MAMDC2: variants seen among roughly 807,000 people sequenced by gnomAD.
MAMDC2 encodes the protein MAM domain containing 2.
MAMDC2 carries 57 observed loss-of-function variants against 89.8 expected under a neutral mutation model. The ratio of observed to expected loss-of-function variants is 0.63; its 90% confidence interval spans 0.51 to 0.79. The LOEUF is 0.79. Ranked by LOEUF, MAMDC2 falls within the 30% of genes least tolerant of loss-of-function variation. MAMDC2 has a pLI of 0.00. For synonymous variants in MAMDC2, 313 were observed against 293.4 expected, an observed-to-expected ratio of 1.07 and a Z score of -0.68; for missense variants, 800 against 820.6, an observed-to-expected ratio of 0.97 and a Z score of 0.31.
At chr9:70,087,167 A>G (rs1322786276) in intron 2 of MAMDC2, 2 of 152,156 alleles carry the variant, frequency 1.3e-5, no homozygotes, top group East Asian at 3.9e-4. Flanking sequence ...TGTTCCCTTG[A>G]GGTTGAAACC....
intron 2 of MAMDC2, among the ~76,000 whole-genome samples, chr9:70,100,118 T>C (rs1052908797): frequency 6.6e-6 from 1 of 151,724 alleles, no homozygotes; most frequent in African/African-American, 2.4e-5. Context: ...CAGAAGAGGA[T>C]GCTGATCATC....
chr9:70,195,150 C>G (rs1359195877), intron 11 of MAMDC2, among the ~76,000 whole-genome samples: 1 of 151,708 alleles, frequency 6.6e-6, no homozygotes, highest in African/African-American at 2.4e-5. Context: ...TATGGACAGG[C>G]AAAAAAATAT....
chr9:70,225,905 A>C, intron 13 of MAMDC2, 63 bp from the exon 14 acceptor site: 1 of 1,462,724 alleles, frequency 6.8e-7, no homozygotes, highest in East Asian at 2.3e-5. Context: ...AACTACAAGA[A>C]TACAAATTAA....
At chr9:70,199,999 G>T (rs552521063) in intron 11 of MAMDC2, among the ~76,000 whole-genome samples, 1 of 152,192 alleles carries the variant, frequency 6.6e-6, no homozygotes, top group South Asian at 2.1e-4. Flanking sequence ...CATTTTGTAG[G>T]TTGCCTATTC....
intron 9 of MAMDC2, chr9:70,157,682 A>G (rs1416642725): frequency 6.6e-6 from 1 of 152,574 alleles, no homozygotes; most frequent in East Asian, 1.9e-4. Flanking sequence ...TTTCATCTCA[A>G]TCTTCAAACC....
chr9:70,044,121 CCT>C lies in MAMDC2; in HGVS notation c.-76_-75del. 1 of 1,567,984 alleles carries C rather than the reference CCT, an allele frequency of 6.4e-7. No homozygotes were observed. Among genetic ancestry groups the C allele is most frequent in the Non-Finnish European group, 8.8e-7 (1 of 1,141,272 alleles). ...CCCGGCGCCCCCGCCTCCCACGATC[CCT>C]TTCACTAGGAGCAGCCAGTCCCAGC... is the stretch of plus-strand genomic sequence containing the variant. On this transcript the variant is annotated 5_prime_UTR_variant, in exon 1 of 14. Transcript: ENST00000377182.
chr9:70,112,335 C>T (rs1828532448), intron 4 of MAMDC2, among the ~76,000 whole-genome samples: 1 of 152,160 alleles, frequency 6.6e-6, no homozygotes, highest in Non-Finnish European at 1.5e-5. Flanking sequence ...TGATTATCTT[C>T]TCTCTCTTCT....
chr9:70,050,649 T>C (rs746045696), intron 2 of MAMDC2, among the ~76,000 whole-genome samples: 4 of 152,238 alleles, frequency 2.6e-5, no homozygotes, highest in Non-Finnish European at 5.9e-5. Flanking sequence ...ACTTGATGTG[T>C]CTTTTATCAA....
Position 70,044,092 on chromosome 9 carries a change from G to A in MAMDC2, c.-106G>A. The A allele has an allele frequency of 7.3e-7, 1 of 1,374,784 alleles. No homozygotes were observed. Among genetic ancestry groups the A allele is most frequent in the Non-Finnish European group, 1.0e-6 (1 of 976,386 alleles). 85.2% of individuals were successfully genotyped at this position (1,374,784 alleles called of 1,614,324 possible). A position where few individuals can be genotyped will look rare whatever the true frequency, so the allele number is the denominator to read the frequency against. On this transcript the variant is annotated 5_prime_UTR_variant, in exon 1 of 14. Coordinates refer to ENST00000377182, the MANE Select transcript of MAMDC2 (RefSeq NM_153267.5). The stretch of plus-strand genomic sequence containing the variant: ...TTGCCTCTCGACTTCTCCCTCCTTG[G>A]GTCCCCGGCGCCCCCGCCTCCCACG...
intron 5 of MAMDC2, among the ~76,000 whole-genome samples, chr9:70,119,811 G>A (rs1278651281): frequency 6.6e-6 from 1 of 152,180 alleles, no homozygotes; most frequent in Admixed American, 6.5e-5. Flanking sequence ...TGGGCAGGGT[G>A]GGGATGGAAC....
rs532968320 is a variant in MAMDC2 at position 70,078,944 on chromosome 9, T to A, written c.149-29267T>A. ...ATTCTACCTCCTTAGGAAGTGGGGATGTTGGATGGCCCACAGCAAACCCAG... is the reference window on the plus strand; with the variant it reads ...ATTCTACCTCCTTAGGAAGTGGGGAAGTTGGATGGCCCACAGCAAACCCAG... On this transcript the variant is annotated intron_variant, in intron 2 of 13. Coordinates refer to ENST00000377182, the MANE Select transcript of MAMDC2 (RefSeq NM_153267.5). Among the ~76,000 whole-genome samples the A allele has an allele frequency of 3.9e-5, 6 of 152,278 alleles. No individual in the cohort carries two copies. In the South Asian group the frequency reaches 1.2e-3, roughly 32 times the overall value.
At chr9:70,151,061 T>TA (rs1256655756) in intron 9 of MAMDC2, among the ~76,000 whole-genome samples, 1 of 152,220 alleles carries the variant, frequency 6.6e-6, no homozygotes, top group Non-Finnish European at 1.5e-5. Context: ...TCCACATAGT[T>TA]ACGTGGGCCT....
At chr9:70,143,843 G>A (rs2031308692) in intron 9 of MAMDC2, 24 bp downstream of exon 9, 1 of 1,609,208 alleles carries the variant, frequency 6.2e-7, no homozygotes, top group South Asian at 1.1e-5. Context: ...AATTTCTCCT[G>A]TGTCCATGTT....
intron 2 of MAMDC2, among the ~76,000 whole-genome samples, chr9:70,105,692 AATAGTAC>A (rs1828322270): frequency 6.6e-6 from 1 of 152,214 alleles, no homozygotes; most frequent in South Asian, 2.1e-4. Context: ...AGGTATTTTA[AATAGTAC>A]ATTTTATATA....
intron 2 of MAMDC2, among the ~76,000 whole-genome samples, chr9:70,050,313 A>G (rs4744968): frequency 0.24 from 37,093 of 152,178 alleles, 4,668 homozygotes; most frequent in East Asian, 0.39. Context: ...ATTAGATCAC[A>G]AACATATCCT....
chr9:70,081,537 G>T (rs1827654182), intron 2 of MAMDC2: 3 of 152,118 alleles, frequency 2.0e-5, no homozygotes, highest in Non-Finnish European at 2.9e-5. Context: ...TTATGAGTTT[G>T]TCTGTAGTAT....
chr9:70,092,118 T>C (rs933217179), intron 2 of MAMDC2: 1 of 152,198 alleles, frequency 6.6e-6, no homozygotes, highest in Non-Finnish European at 1.5e-5. Flanking sequence ...GGTAAAGCGC[T>C]GAGTAAAATA....
intron 2 of MAMDC2, among the ~76,000 whole-genome samples, chr9:70,105,537 G>A (rs1021644921): frequency 6.6e-6 from 1 of 152,050 alleles, no homozygotes; most frequent in Non-Finnish European, 1.5e-5. Context: ...TAAGAGGCAC[G>A]TTCACATGGC....
chr9:70,165,287 T>C (rs2032137750), intron 9 of MAMDC2, among the ~76,000 whole-genome samples: 1 of 152,126 alleles, frequency 6.6e-6, no homozygotes, highest in Non-Finnish European at 1.5e-5. Context: ...TACCCTAAAA[T>C]AACCTCTCCA....
Sources: gnomAD v4.1 joint callset for allele counts (sites outside exome capture counted in the v4.1 genomes callset) on GRCh38, gnomAD v4.1.1 for gene constraint, MANE v1.5 for transcripts, NCBI Gene and HGNC (gene_info 2026-07-23, HGNC 2026-07-21) for gene names.